Variants in XPO1 observed in about 807,000 individuals in gnomAD.
XPO1 encodes the protein exportin-1.
Under a neutral mutation model 133.3 loss-of-function variants are expected in XPO1, and 5 were observed. The ratio of observed to expected loss-of-function variants is 0.04; its 90% CI spans 0.02 to 0.08. XPO1 has a LOEUF of 0.08. XPO1 is among the 10% of genes least tolerant of loss of function. The pLI is 1.00. For missense variants in XPO1, 506 were observed against 1,267.5 expected (o/e 0.40, Z 9.12); for synonymous variants, 419 against 408.2 (o/e 1.03, Z -0.32).
chr2:61,517,268 C>T (rs1482030754), intron 4 of XPO1, among the ~76,000 whole-genome samples: 1 of 152,212 alleles, frequency 6.6e-6, no homozygotes. Flanking sequence ...ATCAACACCA[C>T]TGGCAGTCCT....
At chr2:61,479,107 G>A in intron 24 of XPO1, 141 bp from the exon 25 acceptor site, 2 of 934,414 alleles carry the variant, frequency 2.1e-6, no homozygotes, top group Admixed American at 5.5e-5. Flanking sequence ...TTATAGGATA[G>A]TGACACAGTA....
intron 6 of XPO1, among the ~76,000 whole-genome samples, chr2:61,500,317 G>A (rs571725081): frequency 2.0e-4 from 30 of 151,834 alleles, no homozygotes; most frequent in African/African-American, 7.2e-4. Flanking sequence ...GTGGTAGCTC[G>A]TGCCTGTAAT....
At chr2:61,531,014 A>T (rs1699128326) in intron 2 of XPO1, among the ~76,000 whole-genome samples, 1 of 152,170 alleles carries the variant, frequency 6.6e-6, no homozygotes, top group Admixed American at 6.5e-5. Flanking sequence ...TGTACATGGG[A>T]CTTAAGCAAT....
chr2:61,493,058 A>G lies in XPO1; in HGVS notation c.1246-5T>C. On this transcript the variant is annotated splice_polypyrimidine_tract_variant and splice_region_variant and intron_variant, in intron 12 of 24. Transcript: ENST00000401558. The stretch of plus-strand genomic sequence containing the variant: ...ACTAACCATTAATAAACGGACCTAT[A>G]CTCAACAATATATCAATCAAGAAAA... 6.3e-7 allele frequency: 1 copy of G among 1,578,318 alleles called. No individual in the cohort carries two copies. The highest frequency in any genetic ancestry group is 1.2e-5 in the South Asian group (1 of 84,830).
At chr2:61,488,086 T>G (rs1220641639) in intron 19 of XPO1, 79 bp downstream of exon 19, 1 of 1,259,250 alleles carries the variant, frequency 7.9e-7, no homozygotes, top group Non-Finnish European at 1.1e-6. Context: ...ATTAGCAAAA[T>G]GCACATAATA....
In XPO1 at chr2:61,482,434, A is replaced by C. The variant is rs767788535; in HGVS notation, c.2918T>G (p.Phe973Cys). 3.1e-6 allele frequency: 5 copies of C among 1,613,402 alleles called. No homozygotes were observed. The Admixed American group carries it at 8.4e-5, about 27-fold the overall frequency. Residue 973 changes from phenylalanine (F) to cysteine (C), a missense_variant, in exon 23 of 25, where the codon TTT becomes TGT. Coordinates refer to ENST00000401558, the MANE Select transcript of XPO1 (RefSeq NM_003400.4). ...GAGATTAGCCACATATTCCTGAAGA[A>C]AGATTTGGTTGTTAACTGGATTTCC... is the stretch of plus-strand genomic sequence containing the variant. Reference protein sequence around the residue: ...NPGNPVNNQIFLQEYVANLLK... With the variant: ...NPGNPVNNQICLQEYVANLLK...
At chr2:61,486,776 A>G (rs1696716104) in intron 19 of XPO1, among the ~76,000 whole-genome samples, 1 of 152,050 alleles carries the variant, frequency 6.6e-6, no homozygotes, top group Non-Finnish European at 1.5e-5. Context: ...AACATCAATC[A>G]ATTACTCTCA....
At chr2:61,534,903 T>G (rs1699295970) in intron 1 of XPO1, among the ~76,000 whole-genome samples, 1 of 152,174 alleles carries the variant, frequency 6.6e-6, no homozygotes, top group Non-Finnish European at 1.5e-5. Context: ...ACAAACATAT[T>G]TACTGAATAT....
At chr2:61,487,531 T>C (rs911638477) in intron 19 of XPO1, among the ~76,000 whole-genome samples, 1 of 143,512 alleles carries the variant, frequency 7.0e-6, no homozygotes, top group Non-Finnish European at 1.5e-5. Context: ...AGCACACTTG[T>C]AAAAAAAAAA....
rs1696140604 is a variant in XPO1 at position 61,477,893 on chromosome 2, CTATCATTAA to C, written c.*918_*926del. On this transcript the variant is annotated 3_prime_UTR_variant, in exon 25 of 25. Coordinates refer to ENST00000401558, the MANE Select transcript of XPO1 (RefSeq NM_003400.4). ...CTTGATGCTTAAACACAAATACCCA[CTATCATTAA>C]TATAGGAATAAATGAGTCAATAAAG... 1 of 208,466 alleles carries C rather than the reference CTATCATTAA, an allele frequency of 4.8e-6. No individual in the cohort carries two copies. Among genetic ancestry groups the C allele is most frequent in the Non-Finnish European group, 9.8e-6 (1 of 102,234 alleles). The allele number at this position is 208,466 out of a possible 1,614,324, so 12.9% of individuals were successfully genotyped here. A position where few individuals can be genotyped will look rare whatever the true frequency, so the allele number is the denominator to read the frequency against.
intron 12 of XPO1, chr2:61,493,264 G>C: frequency 2.4e-6 from 1 of 417,870 alleles, no homozygotes; most frequent in Non-Finnish European, 4.2e-6. Context: ...AACACAAAAT[G>C]ACACCCAATC....
intron 4 of XPO1, among the ~76,000 whole-genome samples, chr2:61,503,989 G>C (rs1016508555): frequency 6.6e-6 from 1 of 152,216 alleles, no homozygotes; most frequent in Non-Finnish European, 1.5e-5. Context: ...AGGCTGCAGT[G>C]AACGGAGATC....
At chr2:61,521,100 T>C (rs1698669088) in intron 4 of XPO1, among the ~76,000 whole-genome samples, 1 of 152,186 alleles carries the variant, frequency 6.6e-6, no homozygotes, top group African/African-American at 2.4e-5. Context: ...GAGAACCTCT[T>C]TTAGGGCACA....
chr2:61,510,400 ATAT>A (rs1698031132), intron 4 of XPO1, among the ~76,000 whole-genome samples: 2 of 152,250 alleles, frequency 1.3e-5, no homozygotes, highest in East Asian at 3.8e-4. Context: ...TCTCAATGAA[ATAT>A]TAATAAGAAC....
chr2:61,491,916 A>AAATTTAATC lies in XPO1; in HGVS notation c.1887+110_1887+118dup, dbSNP rs1697019728. The stretch of plus-strand genomic sequence containing the variant: ...CCCTGTCTCAAGGAAAAAAGAAAGA[A>AAATTTAATC]AATTTAATCAGAAACACTTCTATTG... On this transcript the variant is annotated intron_variant, in intron 16 of 24. Transcript: ENST00000401558. 4 of 1,287,224 alleles carry AAATTTAATC rather than the reference A, an allele frequency of 3.1e-6. No individual in the cohort carries two copies. In the South Asian group the frequency reaches 6.2e-5, roughly 20 times the overall value. 79.7% of individuals were successfully genotyped at this position (1,287,224 alleles called of 1,614,324 possible). A position where few individuals can be genotyped will look rare whatever the true frequency, so the allele number is the denominator to read the frequency against.
At chr2:61,516,522 C>G (rs1028052013) in intron 4 of XPO1, among the ~76,000 whole-genome samples, 2 of 151,986 alleles carry the variant, frequency 1.3e-5, no homozygotes, top group African/African-American at 2.4e-5. Context: ...TCAAGCGATT[C>G]TCCTGCCTCA....
At chr2:61,494,369 C>G in intron 11 of XPO1, 1 of 307,222 alleles carries the variant, frequency 3.3e-6, no homozygotes. Flanking sequence ...CCTTGGGTGC[C>G]AATAAGTGGT....
intron 20 of XPO1, 183 bp from the exon 21 acceptor site, chr2:61,484,288 T>C: frequency 1.8e-6 from 1 of 548,702 alleles, no homozygotes; most frequent in African/African-American, 1.9e-5. Flanking sequence ...AAAATGAAAC[T>C]GTCCCGTTAC....
At chr2:61,497,227 G>GT (rs1164939921) in intron 9 of XPO1, among the ~76,000 whole-genome samples, 6 of 151,900 alleles carry the variant, frequency 3.9e-5, no homozygotes, top group South Asian at 4.2e-4. Context: ...AACTTTTTTT[G>GT]TTTTTTTGAG....
Sources: gnomAD v4.1 joint callset for allele counts (sites outside exome capture counted in the v4.1 genomes callset) on GRCh38, gnomAD v4.1.1 for gene constraint, MANE v1.5 for transcripts, NCBI Gene and HGNC (gene_info 2026-07-23, HGNC 2026-07-21) for gene names.